Variants in STK32B observed in about 807,000 individuals in gnomAD.
STK32B encodes serine/threonine-protein kinase 32B.
In STK32B, 43 loss-of-function variants were observed where a neutral mutation model predicts 52.6. The ratio of observed to expected loss-of-function variants is 0.82; its 90% CI spans 0.64 to 1.05. The LOEUF is 1.05. Ranked by LOEUF, STK32B falls within the 50% of genes least tolerant of loss-of-function variation. The pLI is 0.00. For synonymous variants in STK32B, 238 were observed against 204.3 expected, an observed-to-expected ratio of 1.17 and a Z score of -1.41; for missense variants, 621 against 534.6, an observed-to-expected ratio of 1.16 and a Z score of -1.59.
chr4:5,195,337 T>C (rs1285434954), intron 3 of STK32B, among the ~76,000 whole-genome samples: 2 of 152,136 alleles, frequency 1.3e-5, no homozygotes, highest in African/African-American at 2.4e-5. Context: ...TGCTGCCTCC[T>C]CCCCTTCCTC....
At chr4:5,193,068 G>T (rs758488108) in intron 3 of STK32B, among the ~76,000 whole-genome samples, 6 of 152,082 alleles carry the variant, frequency 3.9e-5, no homozygotes, top group Non-Finnish European at 8.8e-5. Context: ...GAGGAACCCC[G>T]GCCACTGCAC....
At chr4:5,042,937 T>A in the STK32B span, among the ~76,000 whole-genome samples, 15 of 150,916 alleles carry the variant, frequency 9.9e-5, no homozygotes, top group South Asian at 2.7e-3. Context: ...AAACCCCGTC[T>A]CTACTAAAAA....
intron 3 of STK32B, among the ~76,000 whole-genome samples, chr4:5,284,309 G>A (rs1454295803): frequency 6.6e-6 from 1 of 152,054 alleles, no homozygotes; most frequent in East Asian, 1.9e-4. Context: ...ATGGCAACAA[G>A]TAAATTGAAC....
chr4:5,418,675 G>C (rs1240703783), intron 6 of STK32B, among the ~76,000 whole-genome samples: 1 of 152,220 alleles, frequency 6.6e-6, no homozygotes, highest in African/African-American at 2.4e-5. Context: ...CCACCATCTT[G>C]GCTGAACTCT....
chr4:5,139,908 A>T lies in STK32B; in HGVS notation c.56A>T (p.Asn19Ile). The change falls in exon 2 of 12, where the codon AAC becomes ATC. Residue 19 changes from asparagine (N) to isoleucine (I), a missense_variant. Transcript: ENST00000282908. ...PPVFDENEEV[N>I]FDHFQILRAI... The stretch of plus-strand genomic sequence containing the variant: ...CCTTTTTTGTTTTCTTTTGCAGTCA[A>T]CTTTGACCATTTTCAGATTCTGCGG... The T allele has an allele frequency of 6.2e-7, 1 of 1,614,176 alleles. No homozygotes were observed. Among genetic ancestry groups the T allele is most frequent in the Non-Finnish European group, 8.5e-7 (1 of 1,180,030 alleles).
At chr4:5,102,201 G>A (rs1388410663) in intron 1 of STK32B, among the ~76,000 whole-genome samples, 1 of 152,158 alleles carries the variant, frequency 6.6e-6, no homozygotes, top group Non-Finnish European at 1.5e-5. Flanking sequence ...TTTGTAAAAT[G>A]CAGGTAGTTG....
intron 1 of STK32B, among the ~76,000 whole-genome samples, chr4:5,091,614 C>G (rs568944925): frequency 5.7e-4 from 87 of 152,158 alleles, no homozygotes; most frequent in Non-Finnish European, 1.0e-3. Flanking sequence ...TTATACATTG[C>G]TAGTGGGAAT....
chr4:5,477,065 T>A (rs568775708), intron 11 of STK32B, among the ~76,000 whole-genome samples: 1 of 152,188 alleles, frequency 6.6e-6, no homozygotes, highest in East Asian at 1.9e-4. Flanking sequence ...AGCCACCAAG[T>A]TTGCGGAAAT....
chr4:5,135,303 C>T (rs1716007716), intron 1 of STK32B, among the ~76,000 whole-genome samples: 1 of 152,130 alleles, frequency 6.6e-6, no homozygotes, highest in African/African-American at 2.4e-5. Context: ...CACAGAGAGC[C>T]TGAGTGACTT....
intron 3 of STK32B, among the ~76,000 whole-genome samples, chr4:5,301,525 T>G (rs900360136): frequency 6.6e-6 from 1 of 151,890 alleles, no homozygotes; most frequent in African/African-American, 2.4e-5. Flanking sequence ...TCTACTAATT[T>G]GTCCGTTTCA....
intron 5 of STK32B, among the ~76,000 whole-genome samples, chr4:5,402,137 C>A (rs1483446831): frequency 6.6e-6 from 1 of 152,242 alleles, no homozygotes. Context: ...TCGTGTTTGC[C>A]ACCAATGCAG....
At chr4:5,282,304 A>G (rs72613193) in intron 3 of STK32B, among the ~76,000 whole-genome samples, 2,320 of 152,268 alleles carry the variant, frequency 0.015, 38 homozygotes, top group East Asian at 0.072. Flanking sequence ...GCCAAAATCT[A>G]CAGATTCTCA....
intron 5 of STK32B, among the ~76,000 whole-genome samples, chr4:5,404,348 T>C (rs112297871): frequency 1.1e-4 from 17 of 152,112 alleles, no homozygotes; most frequent in African/African-American, 4.1e-4. Context: ...GCATTTTCCC[T>C]GTGTGCGTGT....
upstream of STK32B, chr4:5,051,479 C>A: frequency 3.8e-6 from 1 of 263,638 alleles, no homozygotes; most frequent in South Asian, 8.2e-5. Context: ...CTCCCCCGCT[C>A]CTTCCCCTCC....
At chr4:5,127,736 C>T (rs1715491642) in intron 1 of STK32B, among the ~76,000 whole-genome samples, 1 of 152,132 alleles carries the variant, frequency 6.6e-6, no homozygotes, top group African/African-American at 2.4e-5. Flanking sequence ...CCAAGGATGG[C>T]TGATGATATG....
intron 3 of STK32B, among the ~76,000 whole-genome samples, chr4:5,227,986 T>C (rs767647508): frequency 2.6e-5 from 4 of 152,198 alleles, no homozygotes; most frequent in Non-Finnish European, 5.9e-5. Context: ...TTATCATTTA[T>C]CCTTGGAATA....
intron 3 of STK32B, among the ~76,000 whole-genome samples, chr4:5,262,474 A>C (rs1726775611): frequency 6.6e-6 from 1 of 151,554 alleles, no homozygotes; most frequent in African/African-American, 2.4e-5. Flanking sequence ...AAAAAAAAAA[A>C]ATTAGCCGGC....
rs1311240557 is a variant in STK32B at position 5,398,074 on chromosome 4, A to C, written c.435-133A>C. On this transcript the variant is annotated intron_variant, in intron 4 of 11. Transcript: ENST00000282908. This position sits in a 1 kb window ranked among gnomAD's most constrained non-coding sequence, Gnocchi z 4.9. ...ATCTTACCAATTATTCTCCCACTCC[A>C]TGTCTGAGGCTTCAGGTCAGGGAGA... 29 of 834,904 alleles carry C rather than the reference A, an allele frequency of 3.5e-5. No individual in the cohort carries two copies. Among genetic ancestry groups the C allele is most frequent in the Non-Finnish European group, 4.2e-5 (22 of 523,994 alleles). The allele number at this position is 834,904 out of a possible 1,614,324, so 51.7% of individuals were successfully genotyped here.
chr4:5,388,672 A>G (rs755543545), intron 4 of STK32B, among the ~76,000 whole-genome samples: 10 of 152,218 alleles, frequency 6.6e-5, no homozygotes, highest in Admixed American at 1.3e-4. Context: ...GGAAGTAGAA[A>G]GAAAGAAAAC....
Sources: allele counts gnomAD v4.1 joint callset (sites outside exome capture counted in the v4.1 genomes callset), GRCh38; gene constraint gnomAD v4.1.1; non-coding constraint Gnocchi (gnomAD v3.1); transcripts MANE v1.5; gene names NCBI Gene and HGNC (gene_info 2026-07-23, HGNC 2026-07-21).